The following ATRNL1 variants were observed in gnomAD, a reference collection of about 807,000 sequenced individuals.
ATRNL1 encodes attractin-like protein 1.
A neutral mutation model predicts 182.7 loss-of-function variants in ATRNL1; 95 were observed. The ratio of observed to expected loss-of-function variants is 0.52; its 90% CI spans 0.44 to 0.62. The LOEUF (loss-of-function observed/expected upper bound fraction) is 0.62. ATRNL1 is among the 20% of genes least tolerant of loss of function. The probability of loss-of-function intolerance (pLI) is 0.00; values close to 1 mark genes in which losing one functional copy is unlikely to be tolerated. For missense variants in ATRNL1, 1,471 were observed against 1,679.5 expected, an observed-to-expected ratio of 0.88 and a Z score of 2.17; for synonymous variants, 576 against 568.3, an observed-to-expected ratio of 1.01 and a Z score of -0.19.
chr10:115,169,940 T>A (rs192855480), intron 7 of ATRNL1, among the ~76,000 whole-genome samples: 4 of 152,260 alleles, frequency 2.6e-5, no homozygotes. Context: ...ATTTTTGGGG[T>A]GTTCATTACA....
intron 26 of ATRNL1, among the ~76,000 whole-genome samples, chr10:115,626,406 C>G (rs1328612032): frequency 1.3e-5 from 2 of 152,040 alleles, no homozygotes; most frequent in African/African-American, 4.8e-5. Flanking sequence ...TAATTTGGCT[C>G]AAATACTTTA....
chr10:115,549,502 T>C lies in ATRNL1; in HGVS notation c.3761T>C (p.Ile1254Thr). 6.2e-7 allele frequency: 1 copy of C among 1,603,118 alleles called. No homozygotes were observed. Among genetic ancestry groups the C allele is most frequent in the Non-Finnish European group, 8.5e-7 (1 of 1,174,042 alleles). ...LLLVAAVVWK[I>T]KQTCWASRRR... ...CTGGTGGCTGCTGTGGTATGGAAGATCAAACAAACTTGTTGGGCTTCTCGA... is the reference window on the plus strand; with the variant it reads ...CTGGTGGCTGCTGTGGTATGGAAGACCAAACAAACTTGTTGGGCTTCTCGA... Residue 1254 changes from isoleucine (I) to threonine (T), a missense_variant, in exon 26 of 29, where the codon ATC becomes ACC. Physicochemically the swap from Ile to Thr is moderately conservative, Grantham distance 89. Around this residue, in one of 3 missense-constraint regions of ATRNL1, gnomAD observed 437 missense variants for 506.0 expected, o/e 0.86. Transcript: ENST00000355044.
At chr10:115,751,049 A>T (rs928480486) in intron 27 of ATRNL1, among the ~76,000 whole-genome samples, 3 of 152,046 alleles carry the variant, frequency 2.0e-5, no homozygotes, top group Admixed American at 2.0e-4. Flanking sequence ...ATTAAGGATT[A>T]TGAGAGATGA....
At chr10:115,882,108 C>A (rs1407040668) in intron 28 of ATRNL1, among the ~76,000 whole-genome samples, 5 of 152,204 alleles carry the variant, frequency 3.3e-5, no homozygotes, top group African/African-American at 4.8e-5. Context: ...GAGACCAACA[C>A]GTCCAGGCCC....
chr10:115,302,895 A>G (rs1224447545), intron 17 of ATRNL1, among the ~76,000 whole-genome samples: 1 of 152,142 alleles, frequency 6.6e-6, no homozygotes, highest in Non-Finnish European at 1.5e-5. Flanking sequence ...GCTTCTTCAT[A>G]GCAGAGAATA....
chr10:115,621,254 A>AATATAT (rs781830067), intron 26 of ATRNL1, among the ~76,000 whole-genome samples: 2,165 of 70,716 alleles, frequency 0.031, 104 homozygotes, highest in East Asian at 0.12. Flanking sequence ...TTGAGCTCTG[A>AATATAT]ATATATATAT....
chr10:115,236,399 C>T (rs1186810047), intron 9 of ATRNL1, among the ~76,000 whole-genome samples: 2 of 152,134 alleles, frequency 1.3e-5, no homozygotes, highest in Non-Finnish European at 2.9e-5. Flanking sequence ...TCCCCTCTTT[C>T]ACATTTGTAA....
intron 10 of ATRNL1, among the ~76,000 whole-genome samples, chr10:115,262,233 AT>A (rs1554909021): frequency 6.6e-6 from 1 of 151,290 alleles, no homozygotes; most frequent in Non-Finnish European, 1.5e-5. Flanking sequence ...TCACACATGT[AT>A]ATATTTAAAA....
At chr10:115,293,932 T>C (rs1853048745) in intron 15 of ATRNL1, among the ~76,000 whole-genome samples, 1 of 152,216 alleles carries the variant, frequency 6.6e-6, no homozygotes, top group South Asian at 2.1e-4. Flanking sequence ...TTGTGTGCAT[T>C]GTAGAGGACC....
intron 26 of ATRNL1, among the ~76,000 whole-genome samples, chr10:115,662,265 C>A (rs888105066): frequency 3.3e-5 from 5 of 151,970 alleles, no homozygotes; most frequent in Non-Finnish European, 7.4e-5. Flanking sequence ...TTATAGATAC[C>A]ATCTCACACC....
chr10:115,615,930 T>C (rs1319869782), intron 26 of ATRNL1, among the ~76,000 whole-genome samples: 1 of 152,182 alleles, frequency 6.6e-6, no homozygotes, highest in African/African-American at 2.4e-5. Context: ...GAGGCATTGC[T>C]ATAAAGATAC....
At chr10:115,926,571 A>C (rs1328206837) in intron 28 of ATRNL1, among the ~76,000 whole-genome samples, 1 of 152,178 alleles carries the variant, frequency 6.6e-6, no homozygotes, top group African/African-American at 2.4e-5. Context: ...AAAATGATAA[A>C]GGGAATATCA....
intron 19 of ATRNL1, among the ~76,000 whole-genome samples, chr10:115,341,532 A>G (rs2134095586): frequency 6.6e-6 from 1 of 152,296 alleles, no homozygotes; most frequent in South Asian, 2.1e-4. Context: ...CATTTGGTCT[A>G]TAGTGCAGAT....
At chr10:115,113,090 G>A (rs1844327580) in intron 1 of ATRNL1, among the ~76,000 whole-genome samples, 1 of 152,216 alleles carries the variant, frequency 6.6e-6, no homozygotes, top group South Asian at 2.1e-4. Context: ...CCAGGAGGTA[G>A]AAGGGGTTCA....
chr10:115,439,245 G>A lies in ATRNL1; in HGVS notation c.3322+12943G>A, dbSNP rs553973492. ...GTCTTCCTGTCTCAGAGGTGGCACAGGTAGAAAAAAATTCACATATGAGTG... is the reference window on the plus strand; with the variant it reads ...GTCTTCCTGTCTCAGAGGTGGCACAAGTAGAAAAAAATTCACATATGAGTG... On this transcript the variant is annotated intron_variant, in intron 21 of 28. Coordinates refer to ENST00000355044, the MANE Select transcript of ATRNL1 (RefSeq NM_207303.4). 4.6e-4 allele frequency among the ~76,000 whole-genome samples: 70 copies of A among 151,666 alleles called. 1 individual carries two copies. Among genetic ancestry groups the A allele is most frequent in the Admixed American group, 2.2e-3 (34 of 15,206 alleles).
At chr10:115,897,934 T>G (rs1430463075) in intron 28 of ATRNL1, among the ~76,000 whole-genome samples, 3 of 149,088 alleles carry the variant, frequency 2.0e-5, no homozygotes, top group Non-Finnish European at 4.5e-5. Context: ...TCATCCTTAT[T>G]TTTTTTTTTT....
Position 115,150,109 on chromosome 10 carries a change from T to C in ATRNL1, c.830-9931T>C, listed in dbSNP as rs1335691374. On this transcript the variant is annotated intron_variant, in intron 5 of 28. Coordinates refer to ENST00000355044, the MANE Select transcript of ATRNL1 (RefSeq NM_207303.4). The stretch of plus-strand genomic sequence containing the variant: ...TGTCTAGGAATTTGTGGATTTTCTC[T>C]ATGTTTTCCAGTTTGTTAGTGTATA... Among the ~76,000 whole-genome samples the C allele has an allele frequency of 2.6e-5, 4 of 152,164 alleles. 1 individual carries two copies. The highest frequency in any genetic ancestry group is 7.2e-5 in the African/African-American group (3 of 41,578).
chr10:115,165,606 A>G lies in ATRNL1; in HGVS notation c.1053A>G (p.Gly351=), dbSNP rs1343515702. The G allele has an allele frequency of 3.9e-6, 6 of 1,547,958 alleles. No homozygotes were observed. ...SIWNVGTPSR[G]PLQRYGHSLA... ...GGAATGTAGGAACTCCATCAAGGGG[A>G]CCTCTCCAGAGATATGGACACTCTC... The change falls in exon 7 of 29, where the codon GGA becomes GGG. Residue 351 remains glycine (G), a synonymous_variant. Transcript: ENST00000355044.
In ATRNL1 at chr10:115,281,054, C is replaced by G. The variant is rs1852337871; in HGVS notation, c.2101-301C>G. 2.6e-5 allele frequency among the ~76,000 whole-genome samples: 4 copies of G among 152,168 alleles called. No individual in the cohort carries two copies. The South Asian group carries it at 8.3e-4, about 31-fold the overall frequency. ...AGTTTGTCCATTGAAACATATGCCT[C>G]TATTGCTGTGATTGGCTGGGACTCA... On this transcript the variant is annotated intron_variant, in intron 13 of 28. Transcript: ENST00000355044.
Sources: allele counts gnomAD v4.1 joint callset (sites outside exome capture counted in the v4.1 genomes callset), GRCh38; gene constraint gnomAD v4.1.1; regional missense constraint gnomAD v4.1.1; transcripts MANE v1.5; gene names NCBI Gene and HGNC (gene_info 2026-07-23, HGNC 2026-07-21).